Variants in VPS13A observed in about 807,000 individuals in gnomAD.
VPS13A encodes vacuolar protein sorting 13 homolog A.
Under a neutral mutation model 390.9 loss-of-function variants are expected in VPS13A, and 264 were observed. That is an observed-to-expected ratio of 0.68 (90% confidence interval 0.61 to 0.75). The LOEUF (loss-of-function observed/expected upper bound fraction) is 0.75. VPS13A is among the 30% of genes least tolerant of loss of function. VPS13A has a pLI of 0.00. For synonymous variants in VPS13A, 1,231 were observed against 1,227.1 expected (o/e 1.00, Z -0.07); for missense variants, 3,409 against 3,733.9 (o/e 0.91, Z 2.27).
chr9:77,416,165 C>A lies in VPS13A; in HGVS notation c.*159C>A, dbSNP rs1325492027. 3.6e-6 allele frequency: 3 copies of A among 837,838 alleles called. No individual in the cohort carries two copies. The highest frequency in any genetic ancestry group is 3.4e-5 in the African/African-American group (2 of 58,214). The allele number at this position is 837,838 out of a possible 1,614,324, so 51.9% of individuals were successfully genotyped here. A position where few individuals can be genotyped will look rare whatever the true frequency, so the allele number is the denominator to read the frequency against. ...AAACAAAAAAACAAAAACAAAAAAA[C>A]AAAACCAGAATCAGGTAAAACAGCT... On this transcript the variant is annotated 3_prime_UTR_variant, in exon 72 of 72. Transcript: ENST00000360280.
Position 77,318,332 on chromosome 9 carries a change from A to G in VPS13A, c.5054A>G (p.His1685Arg), listed in dbSNP as rs1382222050. 6.2e-7 allele frequency: 1 copy of G among 1,613,070 alleles called. No individual in the cohort carries two copies. The highest frequency in any genetic ancestry group is 1.3e-5 in the African/African-American group (1 of 74,752). ...IPEETASSTAHLWEKKDTKTL... is the reference protein window; with the variant it reads ...IPEETASSTARLWEKKDTKTL... The stretch of plus-strand genomic sequence containing the variant: ...GAAGAAACGGCTTCTTCTACTGCAC[A>G]TTTATGGGAAAAGAAGGATACAAAG... The change falls in exon 41 of 72, where the codon CAT becomes CGT. Residue 1685 changes from histidine to arginine, a missense_variant. This residue lies in a region of VPS13A where 2,717 missense variants were observed against 2,917.4 expected (regional missense o/e 0.93). Transcript: ENST00000360280.
At chr9:77,228,554 T>C (rs994211190) in intron 17 of VPS13A, among the ~76,000 whole-genome samples, 1 of 152,082 alleles carries the variant, frequency 6.6e-6, no homozygotes, top group Non-Finnish European at 1.5e-5. Flanking sequence ...GTTTTTAGTT[T>C]TATTTTTTTT....
intron 20 of VPS13A, among the ~76,000 whole-genome samples, chr9:77,249,035 AT>A (rs1824998554): frequency 2.6e-5 from 4 of 152,322 alleles, no homozygotes; most frequent in African/African-American, 9.6e-5. Flanking sequence ...CCTGGCCTGT[AT>A]TTGACAGCAT....
intron 46 of VPS13A, among the ~76,000 whole-genome samples, chr9:77,333,992 T>C (rs1001787417): frequency 6.6e-6 from 1 of 152,158 alleles, no homozygotes; most frequent in Non-Finnish European, 1.5e-5. Context: ...TAGAGAGTTA[T>C]AGAAAGTGTT....
At chr9:77,224,569 A>G (rs1823401925) in intron 13 of VPS13A, among the ~76,000 whole-genome samples, 1 of 152,210 alleles carries the variant, frequency 6.6e-6, no homozygotes, top group South Asian at 2.1e-4. Flanking sequence ...GAAGAGAACT[A>G]GAAGTGGAGC....
chr9:77,344,707 C>T (rs753892479), intron 51 of VPS13A, among the ~76,000 whole-genome samples: 94 of 151,250 alleles, frequency 6.2e-4, no homozygotes, highest in Non-Finnish European at 9.0e-4. Context: ...TGCAGTGAGC[C>T]GAGATCGCGC....
intron 26 of VPS13A, among the ~76,000 whole-genome samples, chr9:77,278,031 T>A (rs1399956941): frequency 6.6e-6 from 1 of 152,126 alleles, no homozygotes; most frequent in Non-Finnish European, 1.5e-5. Context: ...ACCCAGGAAC[T>A]TTATAGCAGT....
intron 68 of VPS13A, among the ~76,000 whole-genome samples, chr9:77,394,346 C>T (rs778752910): frequency 1.3e-5 from 2 of 151,970 alleles, no homozygotes; most frequent in African/African-American, 4.8e-5. Context: ...GAATTATACA[C>T]GTGAGATGCC....
intron 68 of VPS13A, among the ~76,000 whole-genome samples, chr9:77,399,187 AAAAAAAAAAAAAAAAAAAC>A (rs1563990834): frequency 3.8e-4 from 54 of 140,700 alleles, no homozygotes; most frequent in South Asian, 3.4e-3. Context: ...AAAATAAAAA[AAAAAAAAAAAAAAAAAAAC>A]AAAGGATACG....
chr9:77,405,937 A>C lies in VPS13A; in HGVS notation c.9349A>C (p.Thr3117Pro). Residue 3117 changes from threonine (T) to proline (P), a missense_variant, in exon 70 of 72, where the codon ACC becomes CCC. Physicochemically the swap from Thr to Pro is conservative, Grantham distance 38 (BLOSUM62 -1). Coordinates refer to ENST00000360280, the MANE Select transcript of VPS13A (RefSeq NM_033305.3). ...CEWQYSFDEF[T>P]KEPFIVHGRR... The stretch of plus-strand genomic sequence containing the variant: ...GTGGCAGTATAGTTTTGATGAATTT[A>C]CCAAAGAGCCATTCATTGTTCATGG... 1 of 1,613,990 alleles carries C rather than the reference A, an allele frequency of 6.2e-7. No individual in the cohort carries two copies. The highest frequency in any genetic ancestry group is 8.5e-7 in the Non-Finnish European group (1 of 1,180,000).
At position 77,221,333 on chromosome 9, in the gene VPS13A, G is replaced by A; in HGVS notation, c.1138G>A (p.Gly380Ser). Residue 380 changes from glycine to serine, a missense_variant, in exon 13 of 72, where the codon GGT becomes AGT. Around this residue, in one of 5 missense-constraint regions of VPS13A, gnomAD observed 2,717 missense variants for 2,917.4 expected, o/e 0.93. Transcript: ENST00000360280. Reference sequence around the variant, plus strand: ...AAAGTTAACAAGTAAGAAGCCACCTGGTGAACTTCTCGTGTCTTTGGAGGT... The same window carrying A: ...AAAGTTAACAAGTAAGAAGCCACCTAGTGAACTTCTCGTGTCTTTGGAGGT... ...KKKLTSKKPP[G>S]ELLVSLEELE... The A allele has an allele frequency of 3.1e-6, 5 of 1,612,942 alleles. No individual in the cohort carries two copies. Among genetic ancestry groups the A allele is most frequent in the Non-Finnish European group, 4.2e-6 (5 of 1,179,392 alleles).
intron 55 of VPS13A, among the ~76,000 whole-genome samples, chr9:77,357,191 C>T (rs1325910335): frequency 6.6e-6 from 1 of 150,798 alleles, no homozygotes; most frequent in Admixed American, 6.6e-5. Context: ...TGGTGGCAGG[C>T]GCCTGTAATC....
chr9:77,206,013 C>T lies in VPS13A; in HGVS notation c.319C>T (p.Leu107Phe). Residue 107 changes from leucine (L) to phenylalanine (F), a missense_variant, in exon 5 of 72, where the codon CTC becomes TTC. By Grantham distance (22) the Leu-to-Phe change is conservative. Transcript: ENST00000360280. ...KYDPLKEEKQ[L>F]MEAKQQELKR... Reference sequence around the variant, plus strand: ...TGATCCTTTAAAAGAAGAGAAACAACTCATGGAAGCAAAGCAACAGGAACT... The same window carrying T: ...TGATCCTTTAAAAGAAGAGAAACAATTCATGGAAGCAAAGCAACAGGAACT... 1.3e-6 allele frequency: 2 copies of T among 1,582,658 alleles called. No individual in the cohort carries two copies. Among genetic ancestry groups the T allele is most frequent in the Non-Finnish European group, 1.7e-6 (2 of 1,162,526 alleles).
intron 24 of VPS13A, 141 bp downstream of exon 24, chr9:77,273,505 T>C: frequency 1.5e-6 from 1 of 659,908 alleles, no homozygotes; most frequent in Non-Finnish European, 2.5e-6. Context: ...TGAGGCTCTA[T>C]GAATGGAAGA....
In VPS13A at chr9:77,383,994, G is replaced by A. The variant is rs1833569695; in HGVS notation, c.9189+1907G>A. 2.7e-5 allele frequency among the ~76,000 whole-genome samples: 4 copies of A among 149,212 alleles called. No homozygotes were observed. In the South Asian group the frequency reaches 8.4e-4, roughly 32 times the overall value. On this transcript the variant is annotated intron_variant, in intron 68 of 71. Coordinates refer to ENST00000360280, the MANE Select transcript of VPS13A (RefSeq NM_033305.3). The stretch of plus-strand genomic sequence containing the variant: ...TTTTTTTTTTAATCAAAGCTCTAGT[G>A]TATTATTAGCAAACACTTAAAAAAT...
chr9:77,188,019 TA>T (rs1435761760), intron 1 of VPS13A, among the ~76,000 whole-genome samples: 3 of 152,182 alleles, frequency 2.0e-5, no homozygotes, highest in African/African-American at 7.2e-5. Context: ...AGTTGGGTCA[TA>T]GGGGTGGATC....
Position 77,177,547 on chromosome 9 carries a change from G to C in VPS13A, c.-158G>C, listed in dbSNP as rs1057515644. 15 of 673,996 alleles carry C rather than the reference G, an allele frequency of 2.2e-5. No individual in the cohort carries two copies. The East Asian group carries it at 4.0e-4, about 18-fold the overall frequency. The allele number at this position is 673,996 out of a possible 1,614,324, so 41.8% of individuals were successfully genotyped here. On this transcript the variant is annotated 5_prime_UTR_variant, in exon 1 of 72. Transcript: ENST00000360280. ...GTGAGAGCGACCGCCTCCGTCTCTC[G>C]CTGGGCTCGCTAGGGCTGCGCGTTG... is the stretch of plus-strand genomic sequence containing the variant.
chr9:77,366,758 GAGA>G lies in VPS13A; in HGVS notation c.8363_8365del (p.Glu2788del). 1.9e-6 allele frequency: 3 copies of G among 1,613,012 alleles called. No individual in the cohort carries two copies. The highest frequency in any genetic ancestry group is 2.2e-5 in the East Asian group (1 of 44,766). ...TTAAGTGTTTCACTGAGTTCCGGCAGAGAAGAAGCTAAAGATTCAAAACAAAAT... is the reference window on the plus strand; with the variant it reads ...TTAAGTGTTTCACTGAGTTCCGGCAGAGAAGCTAAAGATTCAAAACAAAAT... On this transcript the variant is annotated inframe_deletion, in exon 61 of 72. Transcript: ENST00000360280.
intron 53 of VPS13A, among the ~76,000 whole-genome samples, chr9:77,351,859 C>T (rs1242040681): frequency 3.9e-5 from 6 of 152,122 alleles, no homozygotes; most frequent in African/African-American, 1.4e-4. Context: ...CAGAGCAAGA[C>T]TCCGTCTCAA....
Sources: gnomAD v4.1 joint callset for allele counts (sites outside exome capture counted in the v4.1 genomes callset) on GRCh38, gnomAD v4.1.1 for gene constraint, gnomAD v4.1.1 regional missense constraint, MANE v1.5 for transcripts, NCBI Gene and HGNC (gene_info 2026-07-23, HGNC 2026-07-21) for gene names.